CADM2: variants seen among roughly 807,000 people sequenced by gnomAD.
CADM2 encodes the protein cell adhesion molecule 2.
CADM2 carries 12 observed loss-of-function variants against 49.8 expected under a neutral mutation model. The ratio of observed to expected loss-of-function variants is 0.24; its 90% confidence interval spans 0.15 to 0.39. The LOEUF is 0.39. Among genes scored for constraint, CADM2 ranks in the 10% least tolerant of loss-of-function variants. The pLI is 1.00. For missense variants in CADM2, 378 were observed against 492.3 expected (o/e 0.77, Z 2.20); for synonymous variants, 214 against 175.4 (o/e 1.22, Z -1.74).
At chr3:85,182,807 A>G (rs1367913922) in intron 1 of CADM2, among the ~76,000 whole-genome samples, 1 of 152,046 alleles carries the variant, frequency 6.6e-6, no homozygotes, top group Non-Finnish European at 1.5e-5. Flanking sequence ...GTGCTTTTAA[A>G]TTTCCAATTC....
chr3:85,446,650 T>A (rs2037468758), intron 1 of CADM2, among the ~76,000 whole-genome samples: 1 of 146,554 alleles, frequency 6.8e-6, no homozygotes, highest in Non-Finnish European at 1.5e-5. Context: ...TTGCCCAGAC[T>A]GGAGTACAAG....
At chr3:85,654,572 T>C (rs2065141949) in intron 1 of CADM2, among the ~76,000 whole-genome samples, 1 of 152,114 alleles carries the variant, frequency 6.6e-6, no homozygotes, top group Non-Finnish European at 1.5e-5. Flanking sequence ...GGTTTGATAG[T>C]GAGTAGAAGA....
chr3:85,649,335 A>G (rs747339047), intron 1 of CADM2, among the ~76,000 whole-genome samples: 7 of 152,140 alleles, frequency 4.6e-5, no homozygotes, highest in Non-Finnish European at 4.4e-5. Flanking sequence ...TTTATGTAGG[A>G]CATCACTTAA....
intron 8 of CADM2, among the ~76,000 whole-genome samples, chr3:86,060,479 CAG>C (rs1162255358): frequency 5.3e-5 from 8 of 152,016 alleles, no homozygotes; most frequent in African/African-American, 1.9e-4. Context: ...AGCATCAGAA[CAG>C]AGAGTCTTTG....
chr3:85,371,656 T>G (rs1221707575), intron 1 of CADM2, among the ~76,000 whole-genome samples: 2 of 42,054 alleles, frequency 4.8e-5, no homozygotes, highest in African/African-American at 1.4e-4. Flanking sequence ...TGGGGATATA[T>G]ATATATGTGT....
intron 7 of CADM2, among the ~76,000 whole-genome samples, chr3:85,947,647 A>G (rs775533174): frequency 6.6e-6 from 1 of 151,480 alleles, no homozygotes; most frequent in Non-Finnish European, 1.5e-5. Flanking sequence ...TCAAAATTTA[A>G]TCACACATTG....
intron 1 of CADM2, among the ~76,000 whole-genome samples, chr3:85,681,243 A>T (rs1353307235): frequency 6.6e-6 from 1 of 152,172 alleles, no homozygotes; most frequent in Non-Finnish European, 1.5e-5. Flanking sequence ...AAGATGCATC[A>T]TGAGATGACG....
At chr3:85,945,005 G>A (rs1011783656) in intron 7 of CADM2, among the ~76,000 whole-genome samples, 2 of 151,858 alleles carry the variant, frequency 1.3e-5, no homozygotes, top group Non-Finnish European at 2.9e-5. Context: ...TTTTTCAAGA[G>A]ATCAACAAAA....
intron 8 of CADM2, among the ~76,000 whole-genome samples, chr3:85,987,254 C>G (rs1728224052): frequency 6.6e-6 from 1 of 152,002 alleles, no homozygotes; most frequent in Non-Finnish European, 1.5e-5. Flanking sequence ...TAAGGGCACT[C>G]TTGTGACTTG....
At chr3:85,949,238 AAAG>A (rs1212885995) in intron 7 of CADM2, among the ~76,000 whole-genome samples, 3 of 151,570 alleles carry the variant, frequency 2.0e-5, no homozygotes, top group South Asian at 4.2e-4. Flanking sequence ...AAAATGTAGA[AAAG>A]AAGAAAGAGT....
intron 8 of CADM2, among the ~76,000 whole-genome samples, chr3:86,058,833 C>G (rs1738290923): frequency 2.0e-5 from 3 of 151,852 alleles, no homozygotes; most frequent in African/African-American, 7.3e-5. Flanking sequence ...GTGGCTCACA[C>G]CTGTAATCCT....
intron 1 of CADM2, among the ~76,000 whole-genome samples, chr3:85,029,023 A>G (rs909185675): frequency 3.9e-5 from 6 of 151,944 alleles, no homozygotes; most frequent in Non-Finnish European, 8.8e-5. Flanking sequence ...CGTATTTAAT[A>G]CTATTATAAC....
chr3:85,764,102 C>A (rs1347978613), intron 2 of CADM2, among the ~76,000 whole-genome samples: 1 of 151,978 alleles, frequency 6.6e-6, no homozygotes, highest in Non-Finnish European at 1.5e-5. Context: ...TAGTATATTT[C>A]TTTTCTTCCG....
At chr3:85,689,856 C>A (rs1004246875) in intron 1 of CADM2, among the ~76,000 whole-genome samples, 5 of 152,132 alleles carry the variant, frequency 3.3e-5, no homozygotes, top group Non-Finnish European at 7.4e-5. Context: ...AGAAGACATA[C>A]ATGAAATATG....
At chr3:85,985,491 G>C (rs1727980991) in intron 8 of CADM2, among the ~76,000 whole-genome samples, 1 of 151,674 alleles carries the variant, frequency 6.6e-6, no homozygotes, top group African/African-American at 2.4e-5. Context: ...TGTTTAAAAA[G>C]GTAACGTTAA....
chr3:85,943,363 G>T (rs11720892), intron 7 of CADM2, among the ~76,000 whole-genome samples: 37,886 of 133,056 alleles, frequency 0.28, 6,296 homozygotes, highest in East Asian at 0.39. Flanking sequence ...GTCAATTTTG[G>T]CTTTTGTTGC....
intron 7 of CADM2, among the ~76,000 whole-genome samples, chr3:85,943,503 G>T (rs1046068777): frequency 6.0e-5 from 9 of 150,312 alleles, no homozygotes; most frequent in Non-Finnish European, 1.2e-4. Context: ...ATCTTGAATT[G>T]ATTTTTGTAT....
intron 3 of CADM2, among the ~76,000 whole-genome samples, chr3:85,803,116 T>C (rs1226113543): frequency 6.6e-6 from 1 of 152,122 alleles, no homozygotes; most frequent in African/African-American, 2.4e-5. Context: ...CTTTAATATG[T>C]ATTCATTATA....
chr3:85,849,482 T>C (rs1231271816), intron 3 of CADM2, among the ~76,000 whole-genome samples: 4 of 152,140 alleles, frequency 2.6e-5, no homozygotes, highest in Non-Finnish European at 5.9e-5. Flanking sequence ...CAAAATAACC[T>C]TTTCCCAAAA....
Sources: gnomAD v4.1 joint callset for allele counts (sites outside exome capture counted in the v4.1 genomes callset) on GRCh38, gnomAD v4.1.1 for gene constraint, MANE v1.5 for transcripts, NCBI Gene and HGNC (gene_info 2026-07-23, HGNC 2026-07-21) for gene names.